The following PLXNA2 variants were observed in gnomAD, a reference collection of about 807,000 sequenced individuals.
PLXNA2 encodes plexin-A2.
A neutral mutation model predicts 193.5 loss-of-function variants in PLXNA2; 91 were observed. The ratio of observed to expected loss-of-function variants is 0.47; its 90% CI spans 0.40 to 0.56. The LOEUF is 0.56. PLXNA2 is among the 20% of genes least tolerant of loss of function. The pLI, the probability that PLXNA2 is intolerant of heterozygous loss-of-function variation, is 0.00. For synonymous variants in PLXNA2, 997 were observed against 1,027.3 expected, an observed-to-expected ratio of 0.97 and a Z score of 0.56; for missense variants, 1,995 against 2,503.2, an observed-to-expected ratio of 0.80 and a Z score of 4.33.
intron 12 of PLXNA2, among the ~76,000 whole-genome samples, chr1:208,063,099 G>A (rs1665669215): frequency 6.6e-6 from 1 of 152,098 alleles, no homozygotes. Context: ...CCTACCCAAA[G>A]GAACTGACAA....
At chr1:208,202,719 A>G (rs1324171619) in intron 3 of PLXNA2, among the ~76,000 whole-genome samples, 1 of 152,160 alleles carries the variant, frequency 6.6e-6, no homozygotes, top group African/African-American at 2.4e-5. Flanking sequence ...TGCATAGCCT[A>G]TTTAGGTCAC....
chr1:208,181,795 C>T (rs189585055), intron 3 of PLXNA2, among the ~76,000 whole-genome samples: 9 of 152,228 alleles, frequency 5.9e-5, no homozygotes, highest in East Asian at 3.9e-4. Flanking sequence ...GAATACAGAG[C>T]GATAGGAGGA....
chr1:208,045,854 C>T (rs1011244348), intron 18 of PLXNA2, 24 bp downstream of exon 18: 2 of 1,612,476 alleles, frequency 1.2e-6, no homozygotes, highest in Non-Finnish European at 1.7e-6. Context: ...CCTGGTGGCA[C>T]TGCCCTCTGG....
intron 3 of PLXNA2, among the ~76,000 whole-genome samples, chr1:208,168,724 GTTTTTT>G (rs10668701): frequency 4.1e-5 from 3 of 73,156 alleles, no homozygotes; most frequent in African/African-American, 1.3e-4. Flanking sequence ...AGTATGCGGG[GTTTTTT>G]TTTTTTTTTT....
intron 1 of PLXNA2, among the ~76,000 whole-genome samples, chr1:208,231,499 C>T (rs575020431): frequency 1.4e-3 from 216 of 152,302 alleles, no homozygotes; most frequent in Admixed American, 2.3e-3. Context: ...CCCCTCCACA[C>T]GCCTGCGAAG....
chr1:208,172,578 C>T (rs1296160858), intron 3 of PLXNA2, among the ~76,000 whole-genome samples: 2 of 152,134 alleles, frequency 1.3e-5, no homozygotes, highest in African/African-American at 2.4e-5. Flanking sequence ...CTTATCTCAC[C>T]GCTGGAAAGC....
In PLXNA2 at chr1:208,082,879, A is replaced by G. The variant is rs1379745694; in HGVS notation, c.2299-371T>C. 6.6e-6 allele frequency among the ~76,000 whole-genome samples: 1 copy of G among 152,160 alleles called. No homozygotes were observed. The highest frequency in any genetic ancestry group is 2.4e-5 in the African/African-American group (1 of 41,426). On this transcript the variant is annotated intron_variant, in intron 10 of 31. Transcript: ENST00000367033. This position sits in a 1 kb window ranked among gnomAD's most constrained non-coding sequence, Gnocchi z 4.2. The stretch of plus-strand genomic sequence containing the variant: ...CACCCGTATTCTTCTAGCCCAGCTC[A>G]GCTCTACTTTCCCCAGGAGTCCTCT...
rs17011989 is a variant in PLXNA2, at chr1:208,123,879, A to T, written c.1506+18450T>A. Among the ~76,000 whole-genome samples, 467 of 152,278 alleles carry T rather than the reference A, an allele frequency of 3.1e-3. 11 individuals carry two copies. The highest frequency in any genetic ancestry group is 0.025 in the Admixed American group (389 of 15,292). ...AAACATAAACCACCTTTCTTCTATA[A>T]CTGAAGTGAGATGTGTCCCTAAGGG... On this transcript the variant is annotated intron_variant, in intron 4 of 31. Transcript: ENST00000367033.
At position 208,038,706 on chromosome 1, in the gene PLXNA2, T is replaced by C. The variant is rs541319664; in HGVS notation, c.4660+119A>G. ...GGCAGCGCTCAAAGCGGGAAGCATT[T>C]CACACGGGCCTCAGCTGGCCAGGAC... On this transcript the variant is annotated intron_variant, in intron 25 of 31. Coordinates refer to ENST00000367033, the MANE Select transcript of PLXNA2 (RefSeq NM_025179.4). The surrounding 1 kb of genome is among the most constrained non-coding windows in gnomAD (Gnocchi z 4.1). The C allele has an allele frequency of 8.9e-6, 10 of 1,124,412 alleles. No homozygotes were observed. In the South Asian group the frequency reaches 1.1e-4, roughly 13 times the overall value. The allele number at this position is 1,124,412 out of a possible 1,614,324, so 69.7% of individuals were successfully genotyped here. A position where few individuals can be genotyped will look rare whatever the true frequency, so the allele number is the denominator to read the frequency against.
chr1:208,042,118 G>A lies in PLXNA2; in HGVS notation c.4266C>T (p.His1422=), dbSNP rs1156648776. 7 of 1,614,120 alleles carry A rather than the reference G, an allele frequency of 4.3e-6. No individual in the cohort carries two copies. The African/African-American group carries it at 5.3e-5, about 12-fold the overall frequency. Residue 1422 remains histidine, a synonymous_variant, in exon 22 of 32, where the codon CAC becomes CAT. Coordinates refer to ENST00000367033, the MANE Select transcript of PLXNA2 (RefSeq NM_025179.4). ...CAGACCTCCGGAGTAGCAGCTTGGG[G>A]TGGTTCTTGTTCTCCAGGTTCTTAT... The part of the protein sequence containing the change: ...LIDKNLENKN[H]PKLLLRRTES...
At chr1:208,092,457 C>T (rs1666748067) in intron 9 of PLXNA2, among the ~76,000 whole-genome samples, 1 of 152,192 alleles carries the variant, frequency 6.6e-6, no homozygotes, top group Non-Finnish European at 1.5e-5. Flanking sequence ...AGAATAAATG[C>T]CATTCACTAC....
intron 3 of PLXNA2, among the ~76,000 whole-genome samples, chr1:208,184,218 G>C (rs1669930472): frequency 6.6e-6 from 1 of 152,152 alleles, no homozygotes; most frequent in South Asian, 2.1e-4. Context: ...TTGAGACAGG[G>C]AGGAGGGAAG....
In PLXNA2 at chr1:208,082,276, G is replaced by GA. The variant is rs1241829739; in HGVS notation, c.2395+135dup. On this transcript the variant is annotated intron_variant, in intron 11 of 31. Transcript: ENST00000367033. The surrounding 1 kb of genome is among the most constrained non-coding windows in gnomAD (Gnocchi z 4.2). ...TTGATGACTCCAAATGTTGCTTTAG[G>GA]ATCCTCTGAAGAGTTCCGCCGACAG... 1.4e-6 allele frequency: 1 copy of GA among 692,070 alleles called. No individual in the cohort carries two copies. The highest frequency in any genetic ancestry group is 2.6e-6 in the Non-Finnish European group (1 of 389,360). 42.9% of individuals were successfully genotyped at this position (692,070 alleles called of 1,614,324 possible).
chr1:208,124,125 C>T (rs982667683), intron 4 of PLXNA2, among the ~76,000 whole-genome samples: 4 of 151,578 alleles, frequency 2.6e-5, no homozygotes, highest in African/African-American at 9.7e-5. Context: ...GAATAGAAAA[C>T]CAAGTATCAC....
chr1:208,035,096 T>C (rs1664630854), intron 26 of PLXNA2, among the ~76,000 whole-genome samples: 1 of 152,134 alleles, frequency 6.6e-6, no homozygotes, highest in Admixed American at 6.5e-5. Context: ...TTGCATTAAT[T>C]TTCTACTGGA....
chr1:208,056,414 A>C (rs1411230965), intron 13 of PLXNA2, among the ~76,000 whole-genome samples: 1 of 152,232 alleles, frequency 6.6e-6, no homozygotes, highest in African/African-American at 2.4e-5. Flanking sequence ...CTTGAAGTTA[A>C]GGAAAAAAGA....
chr1:208,120,264 T>C (rs1197917154), intron 4 of PLXNA2, among the ~76,000 whole-genome samples: 3 of 152,164 alleles, frequency 2.0e-5, no homozygotes, highest in African/African-American at 7.2e-5. Context: ...AAAAAAAGAT[T>C]CAGGACTCTT....
chr1:208,213,524 C>T (rs1444335465), intron 2 of PLXNA2, among the ~76,000 whole-genome samples: 1 of 152,210 alleles, frequency 6.6e-6, no homozygotes, highest in African/African-American at 2.4e-5. Flanking sequence ...TGAGATAACA[C>T]TTAAATTGCC....
At position 208,051,027 on chromosome 1, in the gene PLXNA2, A is replaced by T. The variant is rs772596243; in HGVS notation, c.3237T>A (p.Asn1079Lys). Residue 1079 changes from asparagine (N) to lysine (K), a missense_variant, in exon 17 of 32, where the codon AAT (asparagine) becomes AAA (lysine). By Grantham distance (94) the Asn-to-Lys change is moderately conservative. Transcript: ENST00000367033. ...IQEPRIRVKFNGKESVNVCKV... is the reference protein window; with the variant it reads ...IQEPRIRVKFKGKESVNVCKV... ...TACTCACATTGACAGATTCTTTGCC[A>T]TTGAATTTGACTCGGATCCTTGGCT... 20 of 1,613,414 alleles carry T rather than the reference A, an allele frequency of 1.2e-5. No individual in the cohort carries two copies. The highest frequency in any genetic ancestry group is 1.6e-5 in the Non-Finnish European group (19 of 1,179,442).
Sources: gnomAD v4.1 joint callset for allele counts (sites outside exome capture counted in the v4.1 genomes callset) on GRCh38, gnomAD v4.1.1 for gene constraint, Gnocchi (gnomAD v3.1) non-coding constraint, MANE v1.5 for transcripts, NCBI Gene and HGNC (gene_info 2026-07-23, HGNC 2026-07-21) for gene names.